Variants in PLCB1 observed in about 807,000 individuals in gnomAD.
PLCB1 encodes the protein 1-phosphatidylinositol 4,5-bisphosphate phosphodiesterase beta-1.
A neutral mutation model predicts 161.8 loss-of-function variants in PLCB1; 46 were observed. The ratio of observed to expected loss-of-function variants is 0.28; its 90% confidence interval spans 0.22 to 0.36. PLCB1 has a LOEUF of 0.36. PLCB1 is among the 10% of genes least tolerant of loss of function. The probability of loss-of-function intolerance (pLI) is 1.00; values close to 1 mark genes in which losing one functional copy is unlikely to be tolerated. For synonymous variants in PLCB1, 517 were observed against 503.7 expected (o/e 1.03, Z -0.35); for missense variants, 1,016 against 1,472.5 (o/e 0.69, Z 5.07).
chr20:8,539,786 T>C (rs113516527), intron 3 of PLCB1, among the ~76,000 whole-genome samples: 6 of 146,080 alleles, frequency 4.1e-5, no homozygotes, highest in African/African-American at 1.7e-4. Context: ...CCTTCCTTCC[T>C]TCCTTTCTCT....
intron 3 of PLCB1, among the ~76,000 whole-genome samples, chr20:8,394,900 T>G (rs2122447038): frequency 6.6e-6 from 1 of 152,326 alleles, no homozygotes; most frequent in South Asian, 2.1e-4. Context: ...GCATCACTCA[T>G]ATTTCAAAAA....
intron 29 of PLCB1, 120 bp downstream of exon 29, chr20:8,788,842 G>T (rs1352370775): frequency 1.5e-5 from 10 of 653,326 alleles, no homozygotes; most frequent in Non-Finnish European, 2.4e-5. Context: ...CCTCTAGTCA[G>T]CCTTTCAAAA....
intron 16 of PLCB1, among the ~76,000 whole-genome samples, chr20:8,726,733 C>T (rs984648399): frequency 6.6e-6 from 1 of 151,256 alleles, no homozygotes; most frequent in African/African-American, 2.4e-5. Flanking sequence ...GGGACACACC[C>T]AAGCCATATC....
chr20:8,157,320 C>A (rs1053992931), intron 2 of PLCB1, among the ~76,000 whole-genome samples: 4 of 152,158 alleles, frequency 2.6e-5, no homozygotes, highest in Admixed American at 6.5e-5. Context: ...AAATTGGACA[C>A]AATCATGGTT....
In PLCB1 at chr20:8,861,696, C is replaced by T. The variant is rs1987261072; in HGVS notation, c.3424-19926C>T. ...AGTGAGGTGAGATCGTGCCACTGCA[C>T]TCCAGCCTGGTGACAGAGTGAGACT... is the stretch of plus-strand genomic sequence containing the variant. On this transcript the variant is annotated intron_variant, in intron 31 of 31. Transcript: ENST00000338037. 2.1e-5 allele frequency among the ~76,000 whole-genome samples: 3 copies of T among 142,580 alleles called. No homozygotes were observed. In the South Asian group the frequency reaches 6.7e-4, roughly 32 times the overall value. The allele number at this position is 142,580 out of a possible 152,430, so 93.5% of individuals were successfully genotyped here. A position where few individuals can be genotyped will look rare whatever the true frequency, so the allele number is the denominator to read the frequency against.
chr20:8,238,416 G>A (rs1384820136), intron 2 of PLCB1, among the ~76,000 whole-genome samples: 1 of 151,920 alleles, frequency 6.6e-6, no homozygotes, highest in Non-Finnish European at 1.5e-5. Context: ...CCAAACCCAG[G>A]GGATGCTCTT....
intron 2 of PLCB1, among the ~76,000 whole-genome samples, chr20:8,281,531 A>G (rs1982872825): frequency 6.6e-6 from 1 of 152,120 alleles, no homozygotes; most frequent in Non-Finnish European, 1.5e-5. Flanking sequence ...ATCTTTACAC[A>G]CTAAAGAACA....
chr20:8,157,281 A>T (rs982564927), intron 2 of PLCB1, among the ~76,000 whole-genome samples: 1 of 152,222 alleles, frequency 6.6e-6, no homozygotes, highest in South Asian at 2.1e-4. Context: ...GAGGACTTTG[A>T]TAGGAGAAAA....
At chr20:8,137,845 TTTGAA>T (rs2051364551) in intron 1 of PLCB1, among the ~76,000 whole-genome samples, 1 of 152,242 alleles carries the variant, frequency 6.6e-6, no homozygotes, top group South Asian at 2.1e-4. Context: ...CTATTTTTAC[TTTGAA>T]TGAAAACTTT....
At chr20:8,218,249 C>T (rs541765279) in intron 2 of PLCB1, among the ~76,000 whole-genome samples, 36 of 152,120 alleles carry the variant, frequency 2.4e-4, no homozygotes, top group African/African-American at 8.2e-4. Flanking sequence ...GTGTTTTATC[C>T]CCTGGGAGAG....
At chr20:8,769,379 A>G (rs1982549803) in intron 26 of PLCB1, among the ~76,000 whole-genome samples, 1 of 152,070 alleles carries the variant, frequency 6.6e-6, no homozygotes, top group East Asian at 1.9e-4. Context: ...CTATTTCTAT[A>G]TATATATATA....
At chr20:8,455,511 G>T (rs1252464009) in intron 3 of PLCB1, among the ~76,000 whole-genome samples, 19 of 138,156 alleles carry the variant, frequency 1.4e-4, no homozygotes, top group Non-Finnish European at 2.9e-4. Flanking sequence ...TGCAATCTCG[G>T]CTCACTGCAA....
chr20:8,505,234 C>G (rs1004477223), intron 3 of PLCB1, among the ~76,000 whole-genome samples: 6 of 152,140 alleles, frequency 3.9e-5, no homozygotes, highest in African/African-American at 9.7e-5. Flanking sequence ...ATTCTTTTTA[C>G]CCCACACTCT....
chr20:8,539,625 T>TTTCTTTCTTTCC (rs1555768699), intron 3 of PLCB1, among the ~76,000 whole-genome samples: 5 of 70,670 alleles, frequency 7.1e-5, no homozygotes, highest in African/African-American at 2.6e-4. Context: ...ATTTTCTTTC[T>TTTCTTTCTTTCC]TTCTTTCTTT....
chr20:8,182,211 AGT>A (rs1347545377), intron 2 of PLCB1, among the ~76,000 whole-genome samples: 1 of 152,166 alleles, frequency 6.6e-6, no homozygotes, highest in East Asian at 1.9e-4. Context: ...TCCAGTGTTG[AGT>A]GTGAAGGATG....
At chr20:8,191,521 C>T (rs533440667) in intron 2 of PLCB1, among the ~76,000 whole-genome samples, 2 of 151,994 alleles carry the variant, frequency 1.3e-5, no homozygotes, top group East Asian at 1.9e-4. Flanking sequence ...ACATTTTTTA[C>T]GTGACCACAG....
rs140675450 is a variant in PLCB1 at position 8,172,639 on chromosome 20, G to C, written c.177+22268G>C. 2.6e-3 allele frequency among the ~76,000 whole-genome samples: 394 copies of C among 152,298 alleles called. 15 individuals are homozygous for C. In the East Asian group the frequency reaches 0.062, roughly 24 times the overall value. ...ATACAGATGTGATGTGATTGGACTTGTGTTTTTTAAAAAAGGATCACTGAG... is the reference window on the plus strand; with the variant it reads ...ATACAGATGTGATGTGATTGGACTTCTGTTTTTTAAAAAAGGATCACTGAG... On this transcript the variant is annotated intron_variant, in intron 2 of 31. Coordinates refer to ENST00000338037, the MANE Select transcript of PLCB1 (RefSeq NM_015192.4).
At chr20:8,785,886 A>G (rs906421487) in intron 27 of PLCB1, among the ~76,000 whole-genome samples, 1 of 152,204 alleles carries the variant, frequency 6.6e-6, no homozygotes, top group African/African-American at 2.4e-5. Context: ...GGAAACAGGA[A>G]TATAATTGTT....
chr20:8,524,583 T>G (rs1489124566), intron 3 of PLCB1, among the ~76,000 whole-genome samples: 1 of 152,182 alleles, frequency 6.6e-6, no homozygotes, highest in Non-Finnish European at 1.5e-5. Context: ...GGCAGCCATG[T>G]TCTGATTAAA....
Sources: allele counts gnomAD v4.1 joint callset (sites outside exome capture counted in the v4.1 genomes callset), GRCh38; gene constraint gnomAD v4.1.1; transcripts MANE v1.5; gene names NCBI Gene and HGNC (gene_info 2026-07-23, HGNC 2026-07-21).